The following CALN1 variants were observed in gnomAD, a reference collection of about 807,000 sequenced individuals.
The protein encoded by CALN1 is calneuron 1.
A neutral mutation model predicts 30.6 loss-of-function variants in CALN1; 17 were observed. The observed-to-expected ratio is 0.56, with a 90% CI of 0.38 to 0.83. The LOEUF is 0.83. CALN1 is among the 40% of genes least tolerant of loss of function. The pLI, the probability that CALN1 is intolerant of heterozygous loss-of-function variation, is 0.00. For synonymous variants in CALN1, 156 were observed against 131.4 expected, an observed-to-expected ratio of 1.19 and a Z score of -1.28; for missense variants, 291 against 354.9, an observed-to-expected ratio of 0.82 and a Z score of 1.45.
chr7:72,427,532 G>A (rs1807834575), intron 1 of CALN1, among the ~76,000 whole-genome samples: 1 of 152,076 alleles, frequency 6.6e-6, no homozygotes, highest in Admixed American at 6.6e-5. Context: ...ATGTCCTTTT[G>A]TTTTCTTCTT....
At chr7:72,334,181 A>C (rs1338571871) in intron 2 of CALN1, among the ~76,000 whole-genome samples, 1 of 152,220 alleles carries the variant, frequency 6.6e-6, no homozygotes, top group Non-Finnish European at 1.5e-5. Context: ...AATCTGAATT[A>C]AGAGGGTCTC....
the CALN1 span, among the ~76,000 whole-genome samples, chr7:72,487,956 AAG>A: frequency 2.8e-5 from 1 of 35,550 alleles, no homozygotes; most frequent in Non-Finnish European, 5.2e-5. Flanking sequence ...GAAGGAAGGA[AAG>A]GAAGGAAGGA....
chr7:72,388,705 A>T (rs1196473355), intron 2 of CALN1, among the ~76,000 whole-genome samples: 1 of 152,128 alleles, frequency 6.6e-6, no homozygotes. Flanking sequence ...AAATGCAGAG[A>T]GAGAGAGAGA....
At chr7:72,339,345 G>A (rs372744742) in intron 2 of CALN1, among the ~76,000 whole-genome samples, 3 of 152,276 alleles carry the variant, frequency 2.0e-5, no homozygotes, top group East Asian at 3.9e-4. Flanking sequence ...CAGTGGGATT[G>A]CTGGATCATA....
intron 2 of CALN1, among the ~76,000 whole-genome samples, chr7:72,331,123 G>T (rs1585511725): frequency 6.6e-6 from 1 of 152,108 alleles, no homozygotes. Context: ...GCCAAGGCAG[G>T]TAGATTACCT....
chr7:72,410,404 C>T (rs1176292467), intron 1 of CALN1, among the ~76,000 whole-genome samples: 1 of 152,164 alleles, frequency 6.6e-6, no homozygotes. Context: ...CCATGGAATT[C>T]CTTGAAAGAT....
At chr7:72,359,990 A>AAAAAAAAAAC (rs1365927582) in intron 2 of CALN1, among the ~76,000 whole-genome samples, 2 of 148,178 alleles carry the variant, frequency 1.3e-5, no homozygotes, top group Non-Finnish European at 3.0e-5. Context: ...AAAAAAAAAA[A>AAAAAAAAAAC]ACCAAAGTTG....
chr7:72,364,558 G>T (rs1028318983), intron 2 of CALN1, among the ~76,000 whole-genome samples: 1 of 152,124 alleles, frequency 6.6e-6, no homozygotes, highest in Non-Finnish European at 1.5e-5. Context: ...TCTTAGAAAA[G>T]TGCCTGGCAA....
At chr7:72,268,690 G>C (rs367994442) in intron 3 of CALN1, among the ~76,000 whole-genome samples, 1 of 151,818 alleles carries the variant, frequency 6.6e-6, no homozygotes, top group Non-Finnish European at 1.5e-5. Context: ...CTAGCTACTC[G>C]GGAGGCCGAG....
chr7:72,399,943 CTT>C (rs1806226851), intron 2 of CALN1, among the ~76,000 whole-genome samples: 1 of 152,208 alleles, frequency 6.6e-6, no homozygotes, highest in African/African-American at 2.4e-5. Context: ...TGGCATCTCT[CTT>C]GTTCCCTCTC....
the CALN1 span, among the ~76,000 whole-genome samples, chr7:72,501,787 T>A: frequency 1.3e-5 from 2 of 149,376 alleles, no homozygotes; most frequent in East Asian, 3.9e-4. Context: ...TGGGCGCCTG[T>A]AGTCCCAGCT....
chr7:71,922,332 C>G (rs748573110), intron 5 of CALN1, among the ~76,000 whole-genome samples: 1 of 151,682 alleles, frequency 6.6e-6, no homozygotes, highest in Non-Finnish European at 1.5e-5. Context: ...CATGAATAAA[C>G]GAAAGAATGA....
intron 5 of CALN1, among the ~76,000 whole-genome samples, chr7:71,837,254 A>AAAAAAAAAAAAAAC (rs1789675079): frequency 6.7e-6 from 1 of 149,762 alleles, no homozygotes; most frequent in South Asian, 2.1e-4. Context: ...AAAAAAAAAA[A>AAAAAAAAAAAAAAC]AAAAAAAAAA....
At chr7:72,257,330 C>T (rs1795982162) in intron 3 of CALN1, among the ~76,000 whole-genome samples, 3 of 152,010 alleles carry the variant, frequency 2.0e-5, no homozygotes, top group South Asian at 2.1e-4. Flanking sequence ...ACCATATCAC[C>T]CCATTTGACA....
chr7:71,862,197 A>T (rs1791327595), intron 5 of CALN1, among the ~76,000 whole-genome samples: 1 of 152,178 alleles, frequency 6.6e-6, no homozygotes, highest in South Asian at 2.1e-4. Context: ...CCCTTTGAAA[A>T]ATCTAGGGTG....
the CALN1 span, among the ~76,000 whole-genome samples, chr7:72,501,974 T>C: frequency 3.6e-3 from 438 of 120,022 alleles, 5 homozygotes; most frequent in African/African-American, 0.014. Flanking sequence ...TATAAATATA[T>C]ATACACACAT....
the CALN1 span, among the ~76,000 whole-genome samples, chr7:72,494,191 A>C: frequency 6.6e-6 from 1 of 152,148 alleles, no homozygotes; most frequent in African/African-American, 2.4e-5. Context: ...CCTTGTCTCT[A>C]AAAATCTGAG....
chr7:71,933,123 A>C (rs1046124476), intron 5 of CALN1, among the ~76,000 whole-genome samples: 3 of 152,096 alleles, frequency 2.0e-5, no homozygotes, highest in African/African-American at 7.2e-5. Context: ...GAATGCCATC[A>C]AGAAAAAAGC....
chr7:72,016,998 C>CAAAAAAAAA lies in CALN1; in HGVS notation c.501+6650_501+6658dup, dbSNP rs754201004. On this transcript the variant is annotated intron_variant, in intron 5 of 6. Coordinates refer to ENST00000395275, the MANE Select transcript of CALN1 (RefSeq NM_031468.4). The stretch of plus-strand genomic sequence containing the variant: ...CAAAACCCCGTGTTTACTAAAAATA[C>CAAAAAAAAA]AAAAAAAAAAAAAAAAAAAGCTGGG... Among the ~76,000 whole-genome samples the CAAAAAAAAA allele has an allele frequency of 4.6e-3, 146 of 31,682 alleles. 3 individuals are homozygous for CAAAAAAAAA. Among genetic ancestry groups the CAAAAAAAAA allele is most frequent in the African/African-American group, 0.011 (70 of 6,516 alleles). 20.8% of individuals were successfully genotyped at this position (31,682 alleles called of 152,430 possible).
Sources: allele counts gnomAD v4.1 joint callset (sites outside exome capture counted in the v4.1 genomes callset), GRCh38; gene constraint gnomAD v4.1.1; transcripts MANE v1.5; gene names NCBI Gene and HGNC (gene_info 2026-07-23, HGNC 2026-07-21).